Variants in PCDHA7 observed in about 807,000 individuals in gnomAD.
PCDHA7 encodes protocadherin alpha-7.
In PCDHA7, 37 loss-of-function variants were observed where a neutral mutation model predicts 57.2. That is an observed-to-expected ratio of 0.65 (90% CI 0.50 to 0.85). The LOEUF (loss-of-function observed/expected upper bound fraction) is 0.85, where lower values mean the gene tolerates loss of function less well. Among genes scored for constraint, PCDHA7 ranks in the 40% least tolerant of loss-of-function variants. PCDHA7 has a pLI of 0.00. For missense variants in PCDHA7, 1,188 were observed against 1,241.8 expected, an observed-to-expected ratio of 0.96 and a Z score of 0.65; for synonymous variants, 553 against 558.8, an observed-to-expected ratio of 0.99 and a Z score of 0.15.
At chr5:140,986,052 C>A (rs896963006) in intron 3 of PCDHA7, among the ~76,000 whole-genome samples, 3 of 152,066 alleles carry the variant, frequency 2.0e-5, no homozygotes, top group Admixed American at 1.3e-4. Flanking sequence ...CTGATGAATT[C>A]TTTTGCTTTT....
intron 1 of PCDHA7, chr5:140,877,297 T>C (rs782559386): frequency 6.2e-7 from 1 of 1,613,924 alleles, no homozygotes; most frequent in East Asian, 2.2e-5. Context: ...TTGGCTGTCC[T>C]ACGAGTTGCA....
intron 1 of PCDHA7, chr5:140,841,605 T>A: frequency 6.2e-7 from 1 of 1,614,126 alleles, no homozygotes; most frequent in Non-Finnish European, 8.5e-7. Context: ...CGCGAGGAGC[T>A]GTGCGGGCGG....
intron 1 of PCDHA7, among the ~76,000 whole-genome samples, chr5:140,837,613 G>A (rs1775147694): frequency 6.7e-6 from 1 of 149,168 alleles, no homozygotes. Flanking sequence ...TTTATAATTT[G>A]CCCCTTCCTT....
chr5:140,870,987 C>T (rs782771467), intron 1 of PCDHA7: 51 of 1,613,334 alleles, frequency 3.2e-5, no homozygotes, highest in Non-Finnish European at 4.1e-5. Context: ...TGTACACGGG[C>T]GAGATAAGCA....
At chr5:140,878,063 T>A (rs2057461897) in intron 1 of PCDHA7, 1 of 402,806 alleles carries the variant, frequency 2.5e-6, no homozygotes, top group Non-Finnish European at 4.1e-6. Context: ...CACTTAATAT[T>A]TTTCTTTTTC....
In PCDHA7 at chr5:141,012,021, A is replaced by T. The variant is rs1428323351; in HGVS notation, c.*2084A>T. 6.5e-6 allele frequency: 1 copy of T among 153,734 alleles called. No individual in the cohort carries two copies. The highest frequency in any genetic ancestry group is 1.5e-5 in the Non-Finnish European group (1 of 68,044). 9.5% of individuals were successfully genotyped at this position (153,734 alleles called of 1,614,324 possible). The stretch of plus-strand genomic sequence containing the variant: ...CATATTTTGAAGGGTGTGTAACTTC[A>T]GCTCTGCAGGATTGCATGGGGTAAA... On this transcript the variant is annotated 3_prime_UTR_variant, in exon 4 of 4. Transcript: ENST00000525929.
chr5:140,990,990 A>G (rs1269528161), intron 3 of PCDHA7, among the ~76,000 whole-genome samples: 1 of 152,210 alleles, frequency 6.6e-6, no homozygotes, highest in East Asian at 1.9e-4. Flanking sequence ...GACAATAGCT[A>G]CCATTTATTG....
At position 140,973,488 on chromosome 5, in the gene PCDHA7, G is replaced by A. The variant is rs186493160; in HGVS notation, c.2356-5461G>A. Reference sequence around the variant, plus strand: ...GTTTGCAAATTTCATATTGGTCACAGGACTCTTCTTCTGAGAAAAAGTTTA... The same window carrying A: ...GTTTGCAAATTTCATATTGGTCACAAGACTCTTCTTCTGAGAAAAAGTTTA... On this transcript the variant is annotated intron_variant, in intron 1 of 3. Coordinates refer to ENST00000525929, the MANE Select transcript of PCDHA7 (RefSeq NM_018910.3). Among the ~76,000 whole-genome samples, 7 of 152,228 alleles carry A rather than the reference G, an allele frequency of 4.6e-5. No homozygotes were observed. The East Asian group carries it at 1.3e-3, about 29-fold the overall frequency.
chr5:140,974,884 T>A (rs1485443373), intron 1 of PCDHA7, among the ~76,000 whole-genome samples: 1 of 152,240 alleles, frequency 6.6e-6, no homozygotes, highest in Non-Finnish European at 1.5e-5. Context: ...TATGTATCCC[T>A]TTTCTGATGA....
In PCDHA7 at chr5:140,855,924, G is replaced by A. The variant is rs990164410; in HGVS notation, c.2355+19186G>A. 3.2e-5 allele frequency: 40 copies of A among 1,236,784 alleles called. 2 individuals are homozygous for A. In the Admixed American group the frequency reaches 7.8e-4, roughly 24 times the overall value. 76.6% of individuals were successfully genotyped at this position (1,236,784 alleles called of 1,614,324 possible). A position where few individuals can be genotyped will look rare whatever the true frequency, so the allele number is the denominator to read the frequency against. On this transcript the variant is annotated intron_variant, in intron 1 of 3. Coordinates refer to ENST00000525929, the MANE Select transcript of PCDHA7 (RefSeq NM_018910.3). ...CCAGTTTCTCAAGGACTAGGAAGTA[G>A]CGTCATTCTGAGATCTCAGCCATTT...
At chr5:140,918,309 T>C (rs2078629927) in intron 1 of PCDHA7, among the ~76,000 whole-genome samples, 1 of 152,186 alleles carries the variant, frequency 6.6e-6, no homozygotes, top group Non-Finnish European at 1.5e-5. Context: ...TAGGGTTTTC[T>C]AGGTATAAAA....
At chr5:140,978,301 C>T (rs1554239160) in intron 1 of PCDHA7, among the ~76,000 whole-genome samples, 1 of 152,168 alleles carries the variant, frequency 6.6e-6, no homozygotes, top group Admixed American at 6.5e-5. Flanking sequence ...GGAAAGCACT[C>T]AGGAAGGAGC....
intron 1 of PCDHA7, chr5:140,926,832 G>C: frequency 6.6e-7 from 1 of 1,505,338 alleles, no homozygotes; most frequent in Non-Finnish European, 8.9e-7. Context: ...GGAGTCCGGA[G>C]CATGGTCCTG....
In PCDHA7 at chr5:141,010,279, A is replaced by T. The variant is rs2098416787; in HGVS notation, c.*342A>T. 2.6e-6 allele frequency: 4 copies of T among 1,551,490 alleles called. No homozygotes were observed. The highest frequency in any genetic ancestry group is 3.5e-6 in the Non-Finnish European group (4 of 1,146,936). ...CCTGTGCTCCGGGGATCCTGTCTTG[A>T]TGACACTTGCAGGGCAGGCTGAAAA... On this transcript the variant is annotated 3_prime_UTR_variant, in exon 4 of 4. Coordinates refer to ENST00000525929, the MANE Select transcript of PCDHA7 (RefSeq NM_018910.3).
chr5:140,949,764 G>A (rs1168507534), intron 1 of PCDHA7, among the ~76,000 whole-genome samples: 2 of 151,746 alleles, frequency 1.3e-5, no homozygotes, highest in African/African-American at 2.4e-5. Flanking sequence ...TCACATTAGT[G>A]TAATATTTGA....
At chr5:140,976,586 T>C (rs1029704575) in intron 1 of PCDHA7, among the ~76,000 whole-genome samples, 2 of 151,988 alleles carry the variant, frequency 1.3e-5, no homozygotes, top group Non-Finnish European at 2.9e-5. Flanking sequence ...AAACACAGAC[T>C]TTTGTGTTAA....
intron 3 of PCDHA7, among the ~76,000 whole-genome samples, chr5:140,990,473 C>G (rs1268910696): frequency 6.6e-6 from 1 of 152,186 alleles, no homozygotes; most frequent in Non-Finnish European, 1.5e-5. Flanking sequence ...TATCATGTAT[C>G]AAGCTGAATA....
chr5:140,961,571 A>AT (rs2095622432), intron 1 of PCDHA7, among the ~76,000 whole-genome samples: 1 of 152,076 alleles, frequency 6.6e-6, no homozygotes. Flanking sequence ...TTTTGTTTTG[A>AT]TAAGCATTTA....
At chr5:140,875,667 G>A (rs376967983) in intron 1 of PCDHA7, 10 of 1,613,820 alleles carry the variant, frequency 6.2e-6, no homozygotes, top group East Asian at 4.5e-5. Flanking sequence ...GCCTGTTCCG[G>A]GTGGCGTCCA....
Sources: allele counts gnomAD v4.1 joint callset (sites outside exome capture counted in the v4.1 genomes callset), GRCh38; gene constraint gnomAD v4.1.1; transcripts MANE v1.5; gene names NCBI Gene and HGNC (gene_info 2026-07-23, HGNC 2026-07-21).